Variants in TBC1D9 observed in about 807,000 individuals in gnomAD.
TBC1D9 encodes TBC1 domain family member 9A.
In TBC1D9, 63 loss-of-function variants were observed where a neutral mutation model predicts 132.0. The observed-to-expected ratio is 0.48, with a 90% CI of 0.39 to 0.59. The LOEUF (loss-of-function observed/expected upper bound fraction) is 0.59, where lower values mean the gene tolerates loss of function less well. TBC1D9 is among the 20% of genes least tolerant of loss of function. The pLI is 0.00. For missense variants in TBC1D9, 1,261 were observed against 1,592.7 expected, an observed-to-expected ratio of 0.79 and a Z score of 3.54; for synonymous variants, 610 against 609.9, an observed-to-expected ratio of 1.00 and a Z score of 0.00.
chr4:140,622,428 C>T lies in TBC1D9; in HGVS notation c.3568G>A (p.Val1190Met), dbSNP rs1736632286. 6.2e-7 allele frequency: 1 copy of T among 1,613,842 alleles called. No homozygotes were observed. The highest frequency in any genetic ancestry group is 8.5e-7 in the Non-Finnish European group (1 of 1,179,780). ...CEDIGEDTVL[V>M]RSGQGTAALP... is the part of the protein sequence containing the mutation. ...GCCGCCGTGCCCTGGCCGCTCCGCA[C>T]CAGGACCGTGTCCTCTCCGATGTCC... The change falls in exon 21 of 21, where the codon GTG becomes ATG. Residue 1190 changes from valine to methionine, a missense_variant. Val to Met is a conservative substitution (Grantham distance 21). Coordinates refer to ENST00000442267, the MANE Select transcript of TBC1D9 (RefSeq NM_015130.3).
chr4:140,673,984 C>T (rs1226167573), intron 6 of TBC1D9, among the ~76,000 whole-genome samples: 1 of 152,178 alleles, frequency 6.6e-6, no homozygotes, highest in Non-Finnish European at 1.5e-5. Flanking sequence ...CCTCATTTCC[C>T]TCTGGATAAA....
Position 140,755,944 on chromosome 4 carries a change from G to A in TBC1D9, c.102C>T (p.Gly34=). The part of the protein sequence containing the change: ...FILQRRKGHA[G]DGGGGGGLAG... ...CCAGTCCGCCGCCGCCGCCTCCATC[G>A]CCGGCGTGGCCCTTCCTCCGCTGCA... Residue 34 remains glycine (G), a synonymous_variant, in exon 1 of 21, where the codon GGC becomes GGT. Transcript: ENST00000442267. 1 of 1,590,058 alleles carries A rather than the reference G, an allele frequency of 6.3e-7. No homozygotes were observed. The highest frequency in any genetic ancestry group is 1.7e-5 in the Admixed American group (1 of 57,270).
chr4:140,701,723 C>G (rs957607547), intron 1 of TBC1D9, 109 bp from the exon 2 acceptor site: 59 of 786,806 alleles, frequency 7.5e-5, no homozygotes, highest in Admixed American at 1.7e-4. Context: ...ACAACCCCAT[C>G]TCCCACTGAA....
At chr4:140,646,077 G>A (rs1255706013) in intron 13 of TBC1D9, among the ~76,000 whole-genome samples, 3 of 152,184 alleles carry the variant, frequency 2.0e-5, no homozygotes, top group Non-Finnish European at 4.4e-5. Context: ...TGTGTGACCA[G>A]GACATGAGCC....
intron 1 of TBC1D9, among the ~76,000 whole-genome samples, chr4:140,708,107 A>G (rs1024849244): frequency 1.3e-5 from 2 of 152,200 alleles, no homozygotes; most frequent in Admixed American, 1.3e-4. Flanking sequence ...TATAATGTGG[A>G]CCACAAAATT....
In TBC1D9 at chr4:140,681,611, A is replaced by G. The variant is rs117596555; in HGVS notation, c.361-1768T>C. On this transcript the variant is annotated intron_variant, in intron 3 of 20. Transcript: ENST00000442267. ...AACAAAAGCATCCCAAAGTCCCTCT[A>G]CACAGTCCAGGAATTACTATATAAT... Among the ~76,000 whole-genome samples the G allele has an allele frequency of 3.9e-5, 6 of 152,306 alleles. No individual in the cohort carries two copies. The East Asian group carries it at 1.2e-3, about 29-fold the overall frequency.
At chr4:140,687,724 A>G (rs1408480470) in intron 2 of TBC1D9, among the ~76,000 whole-genome samples, 2 of 152,084 alleles carry the variant, frequency 1.3e-5, no homozygotes, top group Admixed American at 6.6e-5. Context: ...CAAAACCCAC[A>G]TGTACTTTCT....
rs138113974 is a variant in TBC1D9 at position 140,687,321 on chromosome 4, A to ATGTGTGTG, written c.242-867_242-860dup. Among the ~76,000 whole-genome samples the ATGTGTGTG allele has an allele frequency of 9.2e-4, 90 of 97,428 alleles. 1 individual carries two copies. The highest frequency in any genetic ancestry group is 5.3e-3 in the Middle Eastern group (1 of 188). The allele number at this position is 97,428 out of a possible 152,430, so 63.9% of individuals were successfully genotyped here. On this transcript the variant is annotated intron_variant, in intron 2 of 20. Coordinates refer to ENST00000442267, the MANE Select transcript of TBC1D9 (RefSeq NM_015130.3). Reference sequence around the variant, plus strand: ...ATATATATGTGTGCCATATATATATATGTGTGTGTGTGTGTGTGTGTCATA... The same window carrying ATGTGTGTG: ...ATATATATGTGTGCCATATATATATATGTGTGTGTGTGTGTGTGTGTGTGTGTGTCATA...
At chr4:140,744,879 TAAAAAAAA>T (rs34469042) in intron 1 of TBC1D9, among the ~76,000 whole-genome samples, 5 of 107,518 alleles carry the variant, frequency 4.7e-5, no homozygotes, top group Non-Finnish European at 7.3e-5. Context: ...CAAGAGTGTT[TAAAAAAAA>T]AAAAAAAAAA....
At chr4:140,686,515 A>T in intron 2 of TBC1D9, 53 bp from the exon 3 acceptor site, 2 of 1,216,654 alleles carry the variant, frequency 1.6e-6, no homozygotes, top group Admixed American at 3.7e-5. Flanking sequence ...AAGATATTTT[A>T]AAAACCAGGC....
chr4:140,641,090 C>CAAAAAAAAAAAAAAAAAAAAAAAAAA lies in TBC1D9; in HGVS notation c.2338-1663_2338-1662insTTTTTTTTTTTTTTTTTTTTTTTTTT, dbSNP rs35813378. ...TAAATCTTACAATCATAATACTAAG[C>CAAAAAAAAAAAAAAAAAAAAAAAAAA]AAAAAAAAAAAAAACAAAAAAAAAC... is the stretch of plus-strand genomic sequence containing the variant. On this transcript the variant is annotated intron_variant, in intron 13 of 20. Coordinates refer to ENST00000442267, the MANE Select transcript of TBC1D9 (RefSeq NM_015130.3). 9.1e-4 allele frequency among the ~76,000 whole-genome samples: 32 copies of CAAAAAAAAAAAAAAAAAAAAAAAAAA among 35,046 alleles called. 2 individuals carry two copies. Among genetic ancestry groups the CAAAAAAAAAAAAAAAAAAAAAAAAAA allele is most frequent in the South Asian group, 1.4e-3 (1 of 722 alleles). 23.0% of individuals were successfully genotyped at this position (35,046 alleles called of 152,430 possible).
chr4:140,707,828 T>C (rs1254280405), intron 1 of TBC1D9, among the ~76,000 whole-genome samples: 1 of 152,090 alleles, frequency 6.6e-6, no homozygotes, highest in African/African-American at 2.4e-5. Context: ...AATGCATGTG[T>C]CCCTGTTTTC....
At chr4:140,696,214 T>C (rs1430866938) in intron 2 of TBC1D9, among the ~76,000 whole-genome samples, 2 of 151,596 alleles carry the variant, frequency 1.3e-5, no homozygotes, top group African/African-American at 4.8e-5. Flanking sequence ...TCCCAGCATT[T>C]TGGGAGGCTG....
chr4:140,680,473 A>G (rs1737686507), intron 3 of TBC1D9, among the ~76,000 whole-genome samples: 1 of 152,198 alleles, frequency 6.6e-6, no homozygotes, highest in Non-Finnish European at 1.5e-5. Context: ...AATCATTATA[A>G]TAACTTGAGA....
At chr4:140,697,660 C>G (rs1190539410) in intron 2 of TBC1D9, among the ~76,000 whole-genome samples, 1 of 152,240 alleles carries the variant, frequency 6.6e-6, no homozygotes, top group Non-Finnish European at 1.5e-5. Context: ...TCAGGAATAA[C>G]TCAGCTTTGT....
chr4:140,742,686 C>A (rs1315050052), intron 1 of TBC1D9, among the ~76,000 whole-genome samples: 1 of 152,000 alleles, frequency 6.6e-6, no homozygotes. Flanking sequence ...TTTCAAATTA[C>A]AAATTTCTAG....
chr4:140,649,478 G>C (rs1331309966), intron 13 of TBC1D9, among the ~76,000 whole-genome samples: 1 of 152,226 alleles, frequency 6.6e-6, no homozygotes, highest in Non-Finnish European at 1.5e-5. Flanking sequence ...ACTTAAGATA[G>C]TAAATGAAGC....
chr4:140,672,118 G>A (rs1339474785), intron 6 of TBC1D9, among the ~76,000 whole-genome samples: 1 of 151,740 alleles, frequency 6.6e-6, no homozygotes, highest in African/African-American at 2.4e-5. Context: ...GGTCCATCAA[G>A]GGAAAAAGTG....
intron 13 of TBC1D9, chr4:140,643,497 C>A: frequency 2.3e-6 from 2 of 884,936 alleles, no homozygotes; most frequent in East Asian, 2.6e-5. Flanking sequence ...CACGGCCTCC[C>A]GGGGCTCCAG....
Sources: allele counts gnomAD v4.1 joint callset (sites outside exome capture counted in the v4.1 genomes callset), GRCh38; gene constraint gnomAD v4.1.1; transcripts MANE v1.5; gene names NCBI Gene and HGNC (gene_info 2026-07-23, HGNC 2026-07-21).